KLF12: variants seen among roughly 807,000 people sequenced by gnomAD.
KLF12 encodes Krueppel-like factor 12.
A neutral mutation model predicts 37.8 loss-of-function variants in KLF12; 9 were observed. That is an observed-to-expected ratio of 0.24 (90% CI 0.14 to 0.42). The LOEUF (loss-of-function observed/expected upper bound fraction) is 0.42, where lower values mean the gene tolerates loss of function less well. KLF12 is among the 10% of genes least tolerant of loss of function. The pLI, the probability that KLF12 is intolerant of heterozygous loss-of-function variation, is 1.00. For synonymous variants in KLF12, 208 were observed against 202.1 expected, an observed-to-expected ratio of 1.03 and a Z score of -0.25; for missense variants, 411 against 516.0, an observed-to-expected ratio of 0.80 and a Z score of 1.97.
chr13:74,286,382 C>G, the KLF12 span, among the ~76,000 whole-genome samples: 6 of 152,136 alleles, frequency 3.9e-5, no homozygotes, highest in Non-Finnish European at 8.8e-5. Flanking sequence ...GCTAGGGAAG[C>G]AACTGAAATT....
At chr13:73,991,739 T>C (rs569245511) in intron 2 of KLF12, among the ~76,000 whole-genome samples, 12 of 152,200 alleles carry the variant, frequency 7.9e-5, no homozygotes, top group Middle Eastern at 3.2e-3. Flanking sequence ...CAGCAGCCAA[T>C]GCTAACAATC....
In KLF12 at chr13:73,892,640, C is replaced by T. The variant is rs149385803; in HGVS notation, c.124-46267G>A. ...AATAAGGAATCTGACAAACTAGTATCCATACAACAGAGTACTATACAGCTA... is the reference window on the plus strand; with the variant it reads ...AATAAGGAATCTGACAAACTAGTATTCATACAACAGAGTACTATACAGCTA... On this transcript the variant is annotated intron_variant, in intron 3 of 7. Coordinates refer to ENST00000377669, the MANE Select transcript of KLF12 (RefSeq NM_007249.5). Among the ~76,000 whole-genome samples, 1,486 of 152,190 alleles carry T rather than the reference C, an allele frequency of 9.8e-3. 12 individuals are homozygous for T. The highest frequency in any genetic ancestry group is 0.016 in the Non-Finnish European group (1,076 of 67,996).
At chr13:74,223,879 A>C in the KLF12 span, among the ~76,000 whole-genome samples, 1 of 152,156 alleles carries the variant, frequency 6.6e-6, no homozygotes, top group Non-Finnish European at 1.5e-5. Flanking sequence ...TCACAAGCAC[A>C]TATTTCACTT....
the KLF12 span, among the ~76,000 whole-genome samples, chr13:74,139,934 T>A: frequency 8.5e-5 from 13 of 152,058 alleles, no homozygotes; most frequent in Non-Finnish European, 1.8e-4. Context: ...CTAAAGTTTA[T>A]CTAGTTTGCA....
chr13:73,738,068 TACACACACATATATGTATGTGTAC>T (rs1877605035), intron 6 of KLF12, among the ~76,000 whole-genome samples: 1 of 144,702 alleles, frequency 6.9e-6, no homozygotes, highest in African/African-American at 2.5e-5. Context: ...TATATATATA[TACACACACATATATGTATGTGTAC>T]ATATATATAT....
chr13:73,965,353 A>G (rs1360479841), intron 2 of KLF12, among the ~76,000 whole-genome samples: 2 of 152,206 alleles, frequency 1.3e-5, no homozygotes, highest in African/African-American at 2.4e-5. Flanking sequence ...TCAAGTCTCC[A>G]TAAGAAATAT....
the KLF12 span, among the ~76,000 whole-genome samples, chr13:74,211,212 AGCT>A: frequency 6.6e-6 from 1 of 152,122 alleles, no homozygotes; most frequent in East Asian, 1.9e-4. Flanking sequence ...TTCTACATTT[AGCT>A]CTGAGTAAGA....
the KLF12 span, among the ~76,000 whole-genome samples, chr13:74,138,994 A>G: frequency 1.3e-5 from 2 of 152,166 alleles, no homozygotes; most frequent in African/African-American, 4.8e-5. Context: ...CCTCTCACCA[A>G]AAAGTTATCT....
intron 1 of KLF12, among the ~76,000 whole-genome samples, chr13:74,001,482 G>A (rs1892280333): frequency 6.6e-6 from 1 of 152,130 alleles, no homozygotes; most frequent in Non-Finnish European, 1.5e-5. Flanking sequence ...AGGACATTAT[G>A]GGGTAAATAG....
chr13:73,941,691 A>C (rs968864381), intron 3 of KLF12, among the ~76,000 whole-genome samples: 4 of 152,246 alleles, frequency 2.6e-5, no homozygotes, highest in Non-Finnish European at 5.9e-5. Flanking sequence ...GAGTTGATTT[A>C]AAGCATTACA....
intron 1 of KLF12, among the ~76,000 whole-genome samples, chr13:74,029,328 T>C (rs1893057149): frequency 6.6e-6 from 1 of 152,104 alleles, no homozygotes. Flanking sequence ...AAATGCAGGA[T>C]TTGTTAAAGT....
chr13:73,918,899 C>T (rs1297938386), intron 3 of KLF12, among the ~76,000 whole-genome samples: 2 of 152,092 alleles, frequency 1.3e-5, no homozygotes, highest in Non-Finnish European at 2.9e-5. Context: ...AGTTGTGCTG[C>T]CAAAGTTCTG....
the KLF12 span, among the ~76,000 whole-genome samples, chr13:74,140,098 A>G: frequency 6.6e-6 from 1 of 152,334 alleles, no homozygotes; most frequent in East Asian, 1.9e-4. Flanking sequence ...TGAATATCTT[A>G]GCTTCTTCTT....
intron 7 of KLF12, among the ~76,000 whole-genome samples, chr13:73,713,800 G>C (rs891288927): frequency 6.6e-6 from 1 of 152,142 alleles, no homozygotes; most frequent in Non-Finnish European, 1.5e-5. Flanking sequence ...TCATCACTTG[G>C]GTAAGAGGAG....
chr13:73,858,371 A>G (rs1885721518), intron 3 of KLF12, among the ~76,000 whole-genome samples: 1 of 152,192 alleles, frequency 6.6e-6, no homozygotes, highest in African/African-American at 2.4e-5. Context: ...TTATAATTTG[A>G]AATTAACTAA....
At chr13:73,952,597 T>C (rs947275150) in intron 2 of KLF12, among the ~76,000 whole-genome samples, 6 of 152,198 alleles carry the variant, frequency 3.9e-5, no homozygotes, top group African/African-American at 1.4e-4. Flanking sequence ...GTTATGGTAA[T>C]TCATTTCTTC....
intron 3 of KLF12, among the ~76,000 whole-genome samples, chr13:73,937,428 G>C (rs1889997566): frequency 1.3e-5 from 2 of 152,152 alleles, no homozygotes; most frequent in African/African-American, 4.8e-5. Context: ...AAATCACTCA[G>C]AGTATTTAAT....
At chr13:73,763,833 AG>A (rs1186805389) in intron 6 of KLF12, among the ~76,000 whole-genome samples, 1 of 152,144 alleles carries the variant, frequency 6.6e-6, no homozygotes, top group Admixed American at 6.6e-5. Flanking sequence ...GTAAGAGACG[AG>A]GAAGGATGCC....
chr13:73,715,568 G>A (rs752257368), intron 6 of KLF12, 43 bp from the exon 7 acceptor site: 35 of 1,593,074 alleles, frequency 2.2e-5, no homozygotes, highest in South Asian at 1.4e-4. Flanking sequence ...GATGCACACC[G>A]CCCCATTTTG....
Sources: gnomAD v4.1 joint callset for allele counts (sites outside exome capture counted in the v4.1 genomes callset) on GRCh38, gnomAD v4.1.1 for gene constraint, MANE v1.5 for transcripts, NCBI Gene and HGNC (gene_info 2026-07-23, HGNC 2026-07-21) for gene names.